Variants in FMN1 observed in about 807,000 individuals in gnomAD.
The protein encoded by FMN1 is formin-1.
FMN1 carries 110 observed loss-of-function variants against 132.4 expected under a neutral mutation model. The ratio of observed to expected loss-of-function variants is 0.83; its 90% confidence interval spans 0.71 to 0.97. The LOEUF is 0.97. FMN1 is among the 50% of genes least tolerant of loss of function. FMN1 has a pLI of 0.00. For synonymous variants in FMN1, 722 were observed against 651.7 expected, an observed-to-expected ratio of 1.11 and a Z score of -1.64; for missense variants, 1,792 against 1,705.3, an observed-to-expected ratio of 1.05 and a Z score of -0.90.
chr15:33,158,812 GT>G (rs1172417686), intron 3 of FMN1, among the ~76,000 whole-genome samples: 1 of 152,180 alleles, frequency 6.6e-6, no homozygotes, highest in Non-Finnish European at 1.5e-5. Context: ...ACTTAGAAAG[GT>G]CTTTCAGTAT....
chr15:33,114,118 G>A (rs1377790628), intron 4 of FMN1, among the ~76,000 whole-genome samples: 1 of 152,162 alleles, frequency 6.6e-6, no homozygotes, highest in African/African-American at 2.4e-5. Flanking sequence ...TTCCCTCTGA[G>A]CCTGTTCTGC....
intron 6 of FMN1, among the ~76,000 whole-genome samples, chr15:33,030,650 CACT>C (rs1320781205): frequency 4.6e-5 from 7 of 152,196 alleles, no homozygotes; most frequent in Middle Eastern, 3.4e-3. Context: ...ACAAGAACAC[CACT>C]GATTCTAAGA....
At chr15:32,990,110 C>G (rs535892338) in intron 7 of FMN1, among the ~76,000 whole-genome samples, 7 of 152,078 alleles carry the variant, frequency 4.6e-5, no homozygotes, top group African/African-American at 1.7e-4. Flanking sequence ...TAGCTTTCCA[C>G]AAAAACTTAT....
chr15:32,857,341 A>G (rs949648388), intron 16 of FMN1, among the ~76,000 whole-genome samples: 6 of 152,212 alleles, frequency 3.9e-5, no homozygotes, highest in Non-Finnish European at 5.9e-5. Context: ...GCAATGTACA[A>G]TCCTTCCATT....
At chr15:32,937,160 TATC>T (rs768087914) in intron 9 of FMN1, among the ~76,000 whole-genome samples, 2 of 152,210 alleles carry the variant, frequency 1.3e-5, no homozygotes, top group Non-Finnish European at 2.9e-5. Flanking sequence ...TACTAATTCA[TATC>T]ATCATCTTTC....
At chr15:32,981,830 C>T (rs1442477446) in intron 7 of FMN1, among the ~76,000 whole-genome samples, 1 of 151,964 alleles carries the variant, frequency 6.6e-6, no homozygotes, top group African/African-American at 2.4e-5. Context: ...ACACAATGAA[C>T]ATATACAATT....
At chr15:33,129,819 G>A (rs1315575184) in intron 4 of FMN1, among the ~76,000 whole-genome samples, 1 of 139,010 alleles carries the variant, frequency 7.2e-6, no homozygotes, top group African/African-American at 2.7e-5. Context: ...TTGAGACAGA[G>A]TCTCGTTCTG....
In FMN1 at chr15:32,819,179, G is replaced by C. The variant is rs146622665; in HGVS notation, c.3929-14847C>G. ...AAGGGGATTCCAGAGCTCCGAGGAG[G>C]GGGAGGAAAACCTACTGCTTTCTGA... On this transcript the variant is annotated intron_variant, in intron 17 of 20. Coordinates refer to ENST00000616417, the MANE Select transcript of FMN1 (RefSeq NM_001277313.2). 4.3e-4 allele frequency among the ~76,000 whole-genome samples: 65 copies of C among 152,144 alleles called. 1 individual carries two copies. In the East Asian group the frequency reaches 0.012, roughly 29 times the overall value.
chr15:33,123,895 G>A (rs530036295), intron 4 of FMN1, among the ~76,000 whole-genome samples: 1 of 152,160 alleles, frequency 6.6e-6, no homozygotes, highest in Non-Finnish European at 1.5e-5. Context: ...ATGATATAAG[G>A]AATCTCTCTA....
intron 19 of FMN1, among the ~76,000 whole-genome samples, chr15:32,780,350 T>C (rs1376744998): frequency 1.3e-5 from 2 of 152,286 alleles, no homozygotes; most frequent in Admixed American, 6.5e-5. Flanking sequence ...AAAACCAAGA[T>C]GGCCACCTAG....
chr15:32,886,172 T>C (rs1289793673), intron 16 of FMN1, among the ~76,000 whole-genome samples: 1 of 152,170 alleles, frequency 6.6e-6, no homozygotes, highest in African/African-American at 2.4e-5. Context: ...TCTTTAAATA[T>C]TTACTGGGTA....
At chr15:33,132,812 T>C (rs980882320) in intron 4 of FMN1, among the ~76,000 whole-genome samples, 4 of 152,164 alleles carry the variant, frequency 2.6e-5, no homozygotes, top group Admixed American at 6.5e-5. Context: ...CCCATGCACA[T>C]GCCTGCCTGG....
chr15:33,018,059 C>A (rs1214201785), intron 6 of FMN1, among the ~76,000 whole-genome samples: 4 of 95,422 alleles, frequency 4.2e-5, no homozygotes, highest in African/African-American at 1.5e-4. Flanking sequence ...AGCGACACTA[C>A]CTCTCAAGAA....
intron 6 of FMN1, among the ~76,000 whole-genome samples, chr15:33,038,943 T>C (rs1451687399): frequency 6.6e-6 from 1 of 152,170 alleles, no homozygotes; most frequent in Non-Finnish European, 1.5e-5. Context: ...CACCCTCCTA[T>C]ATACAAAATG....
intron 17 of FMN1, among the ~76,000 whole-genome samples, chr15:32,805,110 A>C (rs1300643579): frequency 2.0e-5 from 3 of 152,214 alleles, no homozygotes; most frequent in Non-Finnish European, 4.4e-5. Context: ...TGGTTGAACT[A>C]ATTTACACTC....
At chr15:32,948,194 C>T (rs1459015487) in intron 9 of FMN1, among the ~76,000 whole-genome samples, 1 of 151,812 alleles carries the variant, frequency 6.6e-6, no homozygotes, top group Non-Finnish European at 1.5e-5. Flanking sequence ...TTATATAGTT[C>T]CCCCTTTAAT....
At chr15:33,087,764 A>C (rs1279859098) in intron 5 of FMN1, among the ~76,000 whole-genome samples, 1 of 151,980 alleles carries the variant, frequency 6.6e-6, no homozygotes, top group African/African-American at 2.4e-5. Context: ...CATCAATCAC[A>C]ATGAGTGGAT....
chr15:32,799,338 G>A (rs1343780784), intron 18 of FMN1, among the ~76,000 whole-genome samples: 1 of 152,122 alleles, frequency 6.6e-6, no homozygotes, highest in East Asian at 1.9e-4. Flanking sequence ...CATTAGCAGC[G>A]GTCAGTTCGA....
chr15:33,144,595 G>A (rs555557851), intron 4 of FMN1, among the ~76,000 whole-genome samples: 11 of 146,160 alleles, frequency 7.5e-5, no homozygotes, highest in African/African-American at 1.3e-4. Flanking sequence ...CCGAGATTGC[G>A]CCACTGCACT....
Sources: gnomAD v4.1 joint callset for allele counts (sites outside exome capture counted in the v4.1 genomes callset) on GRCh38, gnomAD v4.1.1 for gene constraint, MANE v1.5 for transcripts, NCBI Gene and HGNC (gene_info 2026-07-23, HGNC 2026-07-21) for gene names.